CLASP2: variants seen among roughly 807,000 people sequenced by gnomAD.
CLASP2 encodes cytoplasmic linker associated protein 2.
Under a neutral mutation model 194.4 loss-of-function variants are expected in CLASP2, and 47 were observed. That is an observed-to-expected ratio of 0.24 (90% CI 0.19 to 0.31). The LOEUF is 0.31. Ranked by LOEUF, CLASP2 falls within the 10% of genes least tolerant of loss-of-function variation. CLASP2 has a pLI of 1.00. For synonymous variants in CLASP2, 619 were observed against 633.5 expected, an observed-to-expected ratio of 0.98 and a Z score of 0.34; for missense variants, 1,445 against 1,823.6, an observed-to-expected ratio of 0.79 and a Z score of 3.78.
At chr3:33,608,701 A>T in intron 13 of CLASP2, 75 bp from the exon 14 acceptor site, 1 of 799,766 alleles carries the variant, frequency 1.3e-6, no homozygotes, top group Non-Finnish European at 2.0e-6. Flanking sequence ...ATACTACTAC[A>T]CTTTGCCCCC....
chr3:33,551,555 G>A (rs569664691), intron 29 of CLASP2, among the ~76,000 whole-genome samples, 160 bp from the exon 30 acceptor site: 1 of 152,188 alleles, frequency 6.6e-6, no homozygotes, highest in East Asian at 1.9e-4. Context: ...CTGGCCTCAA[G>A]CAATCCTCCC....
rs138959187 is a variant in CLASP2, at chr3:33,670,843, A to G, written c.645-7328T>C. Among the ~76,000 whole-genome samples the G allele has an allele frequency of 7.9e-5, 12 of 152,310 alleles. No individual in the cohort carries two copies. In the East Asian group the frequency reaches 1.2e-3, roughly 15 times the overall value. On this transcript the variant is annotated intron_variant, in intron 6 of 38. Coordinates refer to ENST00000682230, the MANE Select transcript of CLASP2 (RefSeq NM_001365631.1). ...CCAGGAGTTCAACTTGGTTTTCAGA[A>G]TATCAATGCAAAATCCTATCATGTT...
At chr3:33,642,403 C>G (rs189951882) in intron 8 of CLASP2, among the ~76,000 whole-genome samples, 1 of 151,900 alleles carries the variant, frequency 6.6e-6, no homozygotes, top group East Asian at 1.9e-4. Flanking sequence ...ATGAATAGTG[C>G]CACTTTTGTT....
intron 6 of CLASP2, among the ~76,000 whole-genome samples, chr3:33,665,094 T>C (rs7427140): frequency 0.12 from 17,670 of 150,618 alleles, 1,088 homozygotes; most frequent in African/African-American, 0.13. Context: ...CAGAGCGAGA[T>C]TTTGTCTCAA....
Position 33,532,922 on chromosome 3 carries a change from A to G in CLASP2, c.3787+2311T>C, listed in dbSNP as rs1435228171. 2.6e-5 allele frequency among the ~76,000 whole-genome samples: 4 copies of G among 152,302 alleles called. No individual in the cohort carries two copies. In the South Asian group the frequency reaches 6.2e-4, roughly 24 times the overall value. ...AATGTCTTTGTAGAAAATAAATCCT[A>G]AAGTGTTTAACGTGACAGAGCATCA... On this transcript the variant is annotated intron_variant, in intron 34 of 38. Transcript: ENST00000682230.
At chr3:33,607,509 C>A in intron 14 of CLASP2, 48 bp from the exon 15 acceptor site, 1 of 1,358,874 alleles carries the variant, frequency 7.4e-7, no homozygotes, top group Non-Finnish European at 1.0e-6. Flanking sequence ...CTGTATGTTT[C>A]ACCACAAATG....
rs112454384 is a variant in CLASP2, at chr3:33,563,652, G to T, written c.2767-2681C>A. Among the ~76,000 whole-genome samples, 1,132 of 152,314 alleles carry T rather than the reference G, an allele frequency of 7.4e-3. 12 individuals are homozygous for T. Among genetic ancestry groups the T allele is most frequent in the African/African-American group, 0.025 (1,037 of 41,556 alleles). The stretch of plus-strand genomic sequence containing the variant: ...TGACACCACATAAACAAATAAGCAT[G>T]GCCGTGTGTCAATATAACTTTATTC... On this transcript the variant is annotated intron_variant, in intron 27 of 38. Coordinates refer to ENST00000682230, the MANE Select transcript of CLASP2 (RefSeq NM_001365631.1).
intron 37 of CLASP2, among the ~76,000 whole-genome samples, chr3:33,508,606 G>A (rs2048942462): frequency 6.6e-6 from 1 of 152,204 alleles, no homozygotes; most frequent in Non-Finnish European, 1.5e-5. Context: ...TGGGATTACA[G>A]GCATGAGCCA....
At chr3:33,530,954 A>C (rs1409029971) in intron 34 of CLASP2, among the ~76,000 whole-genome samples, 2 of 152,214 alleles carry the variant, frequency 1.3e-5, no homozygotes, top group African/African-American at 4.8e-5. Context: ...TCCCAATGAC[A>C]CTTTTTACAG....
intron 6 of CLASP2, among the ~76,000 whole-genome samples, chr3:33,675,119 G>A (rs1351667201): frequency 6.6e-5 from 10 of 152,216 alleles, no homozygotes; most frequent in Middle Eastern, 3.4e-3. Flanking sequence ...CCAAAGCCGC[G>A]CAGAGACACA....
intron 38 of CLASP2, among the ~76,000 whole-genome samples, chr3:33,500,726 T>C (rs2046658400): frequency 6.6e-6 from 1 of 151,480 alleles, no homozygotes; most frequent in Non-Finnish European, 1.5e-5. Context: ...CATTTTCCAT[T>C]ATATGTATAT....
intron 1 of CLASP2, among the ~76,000 whole-genome samples, chr3:33,699,664 A>G (rs1341029246): frequency 2.6e-5 from 4 of 152,134 alleles, no homozygotes; most frequent in Admixed American, 2.6e-4. Flanking sequence ...TCCTACAAAT[A>G]TATACCTATG....
intron 38 of CLASP2, among the ~76,000 whole-genome samples, chr3:33,501,430 T>A (rs556815766): frequency 1.3e-5 from 2 of 152,276 alleles, no homozygotes; most frequent in South Asian, 4.1e-4. Context: ...CACAGAAACC[T>A]ACCCATCACC....
At chr3:33,648,171 C>T (rs1051312901) in intron 7 of CLASP2, among the ~76,000 whole-genome samples, 34 of 151,054 alleles carry the variant, frequency 2.3e-4, no homozygotes, top group African/African-American at 7.1e-4. Context: ...AATATAAAAC[C>T]AAGGATATCA....
At position 33,582,024 on chromosome 3, in the gene CLASP2, A is replaced by T. The variant is rs58904138; in HGVS notation, c.2240-96T>A. ...TGTTTTTTTCTTTCTTAAAGACTGA[A>T]CAGTAACTTAAATTTTTCTAAGGCT... On this transcript the variant is annotated intron_variant, in intron 22 of 38. Transcript: ENST00000682230. 0.018 allele frequency: 11,708 copies of T among 667,116 alleles called. 923 individuals are homozygous for T. In the African/African-American group the frequency reaches 0.18, roughly 10 times the overall value. The allele number at this position is 667,116 out of a possible 1,614,324, so 41.3% of individuals were successfully genotyped here.
At chr3:33,636,850 C>T (rs2080238302) in intron 8 of CLASP2, among the ~76,000 whole-genome samples, 1 of 152,218 alleles carries the variant, frequency 6.6e-6, no homozygotes, top group Non-Finnish European at 1.5e-5. Flanking sequence ...ATCCACCCAC[C>T]TTGGCCTCCC....
chr3:33,564,338 C>T (rs562215804), intron 27 of CLASP2, among the ~76,000 whole-genome samples: 1 of 152,216 alleles, frequency 6.6e-6, no homozygotes, highest in East Asian at 1.9e-4. Context: ...CTTTTTATTT[C>T]CTATAAACTT....
intron 6 of CLASP2, among the ~76,000 whole-genome samples, chr3:33,680,624 C>T (rs1276731381): frequency 6.6e-6 from 1 of 151,836 alleles, no homozygotes; most frequent in African/African-American, 2.4e-5. Context: ...GCCTGGACAA[C>T]ATAGGGAGAC....
intron 34 of CLASP2, among the ~76,000 whole-genome samples, chr3:33,525,173 T>C (rs1457896748): frequency 1.3e-5 from 2 of 151,846 alleles, no homozygotes; most frequent in Admixed American, 6.6e-5. Context: ...TCTTAATGGA[T>C]CAAAGAAATT....
Sources: allele counts gnomAD v4.1 joint callset (sites outside exome capture counted in the v4.1 genomes callset), GRCh38; gene constraint gnomAD v4.1.1; transcripts MANE v1.5; gene names NCBI Gene and HGNC (gene_info 2026-07-23, HGNC 2026-07-21).